TIAM2: variants seen among roughly 807,000 people sequenced by gnomAD.
The protein encoded by TIAM2 is rho guanine nucleotide exchange factor TIAM2.
A neutral mutation model predicts 152.9 loss-of-function variants in TIAM2; 80 were observed. That is an observed-to-expected ratio of 0.52 (90% CI 0.44 to 0.63). The LOEUF is 0.63. Among genes scored for constraint, TIAM2 ranks in the 30% least tolerant of loss-of-function variants. TIAM2 has a pLI of 0.00. For missense variants in TIAM2, 1,965 were observed against 2,120.1 expected (o/e 0.93, Z 1.44); for synonymous variants, 804 against 838.0 (o/e 0.96, Z 0.70).
chr6:155,243,989 A>G (rs1283778494), intron 16 of TIAM2, 22 bp from the exon 17 acceptor site: 5 of 1,609,106 alleles, frequency 3.1e-6, no homozygotes, highest in Non-Finnish European at 4.3e-6. Context: ...CGTTGAAGAC[A>G]CTTTCTTCTA....
At chr6:155,179,324 T>G (rs1780835850) in intron 11 of TIAM2, 54 bp from the exon 12 acceptor site, 2 of 1,576,878 alleles carry the variant, frequency 1.3e-6, no homozygotes, top group Non-Finnish European at 1.7e-6. Flanking sequence ...AAAGTAATTT[T>G]TTGAGGTATC....
chr6:155,160,683 C>T (rs893642353), intron 7 of TIAM2, among the ~76,000 whole-genome samples: 11 of 152,040 alleles, frequency 7.2e-5, no homozygotes, highest in African/African-American at 2.7e-4. Flanking sequence ...ATCACTTGAG[C>T]GCAGGAAGCA....
chr6:155,070,209 CTTTTTTTTTTTTTTTTT>C lies in TIAM2; in HGVS notation c.-208-20067_-208-20051del, dbSNP rs559307371. 6.8e-5 allele frequency among the ~76,000 whole-genome samples: 3 copies of C among 44,126 alleles called. No homozygotes were observed. The East Asian group carries it at 1.8e-3, about 26-fold the overall frequency. The allele number at this position is 44,126 out of a possible 152,430, so 28.9% of individuals were successfully genotyped here. ...GTATGAGCCACCGCGCCTGGCCAGA[CTTTTTTTTTTTTTTTTT>C]TTTTTTTTTTTTGAGATGGAGTCTC... On this transcript the variant is annotated intron_variant, in intron 1 of 26. Transcript: ENST00000682666.
chr6:155,083,006 G>C (rs1220438175), intron 1 of TIAM2, among the ~76,000 whole-genome samples: 2 of 152,022 alleles, frequency 1.3e-5, no homozygotes, highest in Non-Finnish European at 2.9e-5. Context: ...TCTTTGCCAG[G>C]ACTGATGATG....
At chr6:155,187,056 G>C (rs1781056727) in intron 14 of TIAM2, among the ~76,000 whole-genome samples, 1 of 152,132 alleles carries the variant, frequency 6.6e-6, no homozygotes, top group South Asian at 2.1e-4. Flanking sequence ...ATATCAGAAA[G>C]TAGATGAAAA....
intron 4 of TIAM2, among the ~76,000 whole-genome samples, chr6:155,131,258 G>T (rs1217591882): frequency 6.6e-6 from 1 of 152,044 alleles, no homozygotes; most frequent in East Asian, 1.9e-4. Flanking sequence ...TACTCAGGAG[G>T]CTGAGGCAGG....
At chr6:155,074,711 G>A (rs1313739275) in intron 1 of TIAM2, among the ~76,000 whole-genome samples, 1 of 152,078 alleles carries the variant, frequency 6.6e-6, no homozygotes, top group Non-Finnish European at 1.5e-5. Context: ...TTTCTTGTGT[G>A]TTTATTACGT....
At chr6:155,106,304 C>T (rs968434032) in intron 2 of TIAM2, among the ~76,000 whole-genome samples, 2 of 152,022 alleles carry the variant, frequency 1.3e-5, no homozygotes. Flanking sequence ...CATGCCCAGC[C>T]TTTTTGGGGT....
Position 155,219,426 on chromosome 6 carries a change from C to T in TIAM2, c.3168+8119C>T, listed in dbSNP as rs148489548. 8.6e-3 allele frequency among the ~76,000 whole-genome samples: 1,304 copies of T among 152,104 alleles called. 25 individuals carry two copies. Among genetic ancestry groups the T allele is most frequent in the African/African-American group, 0.03 (1,246 of 41,482 alleles). On this transcript the variant is annotated intron_variant, in intron 15 of 26. Coordinates refer to ENST00000682666, the MANE Select transcript of TIAM2 (RefSeq NM_012454.4). ...GACTTTGCCCCTCCTGGAAGAGAGG[C>T]GGCAAGGACACAGATCACCAGGGGT...
In TIAM2 at chr6:155,148,141, T is replaced by G. The variant is rs1405513769; in HGVS notation, c.1835T>G (p.Val612Gly). Residue 612 changes from valine to glycine, a missense_variant, in exon 7 of 27, where the codon GTC becomes GGC. By Grantham distance (109) the Val-to-Gly change is moderately radical (BLOSUM62 -3). Coordinates refer to ENST00000682666, the MANE Select transcript of TIAM2 (RefSeq NM_012454.4). ...AGCCAGACAGATCTAGAAAACTGGG[T>G]CACTGCTGTACACTCTGCTTGTGCA... Reference protein sequence around the residue: ...ATSQTDLENWVTAVHSACASL... With the variant: ...ATSQTDLENWGTAVHSACASL... 6.2e-7 allele frequency: 1 copy of G among 1,613,854 alleles called. No individual in the cohort carries two copies. The highest frequency in any genetic ancestry group is 8.5e-7 in the Non-Finnish European group (1 of 1,180,030).
At chr6:155,192,576 A>G (rs1231863489) in intron 14 of TIAM2, among the ~76,000 whole-genome samples, 1 of 152,226 alleles carries the variant, frequency 6.6e-6, no homozygotes, top group Non-Finnish European at 1.5e-5. Flanking sequence ...TTAACATAAC[A>G]ATAGTGGATC....
chr6:155,029,466 ATATACTATAG>A (rs1776759709), intron 1 of TIAM2, among the ~76,000 whole-genome samples: 1 of 51,252 alleles, frequency 2.0e-5, no homozygotes, highest in Non-Finnish European at 3.4e-5. Context: ...TATATATAAT[ATATACTATAG>A]TATATATACT....
intron 2 of TIAM2, among the ~76,000 whole-genome samples, chr6:155,105,507 G>T (rs1778663411): frequency 6.6e-6 from 1 of 151,928 alleles, no homozygotes; most frequent in South Asian, 2.1e-4. Flanking sequence ...TGTTGTCCAG[G>T]GTGGTCTTGA....
intron 12 of TIAM2, among the ~76,000 whole-genome samples, chr6:155,180,061 C>T (rs1175988970): frequency 6.6e-6 from 1 of 152,222 alleles, no homozygotes; most frequent in Non-Finnish European, 1.5e-5. Context: ...GGGCAGATCA[C>T]CTGAGGTCGG....
intron 9 of TIAM2, among the ~76,000 whole-genome samples, chr6:155,169,819 A>C (rs562133918): frequency 1.3e-5 from 2 of 149,942 alleles, no homozygotes; most frequent in Non-Finnish European, 3.0e-5. Context: ...CTCCTCCACC[A>C]AATAATTTTT....
At chr6:155,225,984 T>C (rs961585400) in intron 15 of TIAM2, among the ~76,000 whole-genome samples, 11 of 152,246 alleles carry the variant, frequency 7.2e-5, no homozygotes, top group African/African-American at 2.7e-4. Flanking sequence ...GTTGCCAGGA[T>C]ATTAACATGT....
chr6:155,211,237 T>G lies in TIAM2; in HGVS notation c.3098T>G (p.Leu1033Arg). The G allele has an allele frequency of 1.9e-6, 3 of 1,613,556 alleles. No individual in the cohort carries two copies. The highest frequency in any genetic ancestry group is 2.5e-6 in the Non-Finnish European group (3 of 1,179,568). Residue 1033 changes from leucine (L) to arginine (R), a missense_variant, in exon 15 of 27, where the codon CTG (leucine) becomes CGG (arginine). Leu to Arg is a moderately radical substitution (Grantham distance 102, BLOSUM62 -2). Around this residue, in one of 3 missense-constraint regions of TIAM2, gnomAD observed 935 missense variants for 980.0 expected, o/e 0.95. Transcript: ENST00000682666. ...AACGTCCCTGATATCACAACAGGTC[T>G]GAAAAGGAGTCAGACAGATGGCACT... Reference protein sequence around the residue: ...FSNVPDITTGLKRSQTDGTLD... With the variant: ...FSNVPDITTGRKRSQTDGTLD...
intron 4 of TIAM2, among the ~76,000 whole-genome samples, chr6:155,136,790 G>T (rs912558091): frequency 6.6e-6 from 1 of 151,968 alleles, no homozygotes; most frequent in Non-Finnish European, 1.5e-5. Context: ...AAAATAAATT[G>T]CAAGAATATG....
At chr6:155,165,543 T>C in intron 9 of TIAM2, 134 bp downstream of exon 9, 1 of 1,259,010 alleles carries the variant, frequency 7.9e-7, no homozygotes. Context: ...CTCACGCCTG[T>C]AATTCTAGCA....
Sources: allele counts gnomAD v4.1 joint callset (sites outside exome capture counted in the v4.1 genomes callset), GRCh38; gene constraint gnomAD v4.1.1; regional missense constraint gnomAD v4.1.1; transcripts MANE v1.5; gene names NCBI Gene and HGNC (gene_info 2026-07-23, HGNC 2026-07-21).